Variants in FAM222B observed in about 807,000 individuals in gnomAD.
FAM222B encodes the protein family with sequence similarity 222 member B.
A neutral mutation model predicts 38.0 loss-of-function variants in FAM222B; 12 were observed. The observed-to-expected ratio is 0.32, with a 90% CI of 0.20 to 0.51. The LOEUF (loss-of-function observed/expected upper bound fraction) is 0.51. FAM222B is among the 20% of genes least tolerant of loss of function. The pLI is 0.97. For synonymous variants in FAM222B, 329 were observed against 317.2 expected, an observed-to-expected ratio of 1.04 and a Z score of -0.40; for missense variants, 716 against 754.2, an observed-to-expected ratio of 0.95 and a Z score of 0.59.
At chr17:28,824,187 T>TC (rs2038359952) in intron 1 of FAM222B, among the ~76,000 whole-genome samples, 1 of 151,068 alleles carries the variant, frequency 6.6e-6, no homozygotes, top group African/African-American at 2.4e-5. Flanking sequence ...GAGAATTTTT[T>TC]TTTTTTTTTT....
At chr17:28,843,173 T>A (rs534023890), upstream of FAM222B, among the ~76,000 whole-genome samples, 8 of 151,864 alleles carry the variant, frequency 5.3e-5, no homozygotes, top group Non-Finnish European at 1.0e-4. Flanking sequence ...AGTTTCGCTC[T>A]TGTTGTCCAG....
Position 28,759,683 on chromosome 17 carries a change from C to T in FAM222B, c.276G>A (p.Pro92=), listed in dbSNP as rs760076756. 4.7e-5 allele frequency: 76 copies of T among 1,613,472 alleles called. 3 individuals are homozygous for T. In the South Asian group the frequency reaches 7.0e-4, roughly 15 times the overall value. ...GGCCTGCCTTGGTGGCAGCCTGTGT[C>T]GGGTAGGGGCTGTAGCGCTGGGCTG... The part of the protein sequence containing the change: ...DTSAQRYSPY[P]TQAATKAGLL... The change falls in exon 3 of 3, where the codon CCG becomes CCA. Residue 92 remains proline (P), a synonymous_variant. Transcript: ENST00000581407. The surrounding 1 kb of genome is among the most constrained non-coding windows in gnomAD (Gnocchi z 4.8).
chr17:28,778,052 T>C (rs1440552176), intron 1 of FAM222B, among the ~76,000 whole-genome samples: 1 of 149,730 alleles, frequency 6.7e-6, no homozygotes, highest in East Asian at 2.0e-4. Flanking sequence ...ACTTCTGCAC[T>C]GTATTGAAAA....
intron 1 of FAM222B, among the ~76,000 whole-genome samples, chr17:28,815,920 T>C (rs1489995111): frequency 1.3e-5 from 2 of 148,940 alleles, no homozygotes; most frequent in Non-Finnish European, 3.0e-5. Flanking sequence ...TGAGCTGAGA[T>C]CGTGCCACTG....
chr17:28,824,524 A>G (rs1208900590), intron 1 of FAM222B, among the ~76,000 whole-genome samples: 2 of 152,030 alleles, frequency 1.3e-5, no homozygotes, highest in African/African-American at 4.8e-5. Flanking sequence ...TACCCATATC[A>G]ATTAACAGCA....
chr17:28,824,242 T>C (rs1049056376), intron 1 of FAM222B, among the ~76,000 whole-genome samples: 1 of 151,184 alleles, frequency 6.6e-6, no homozygotes, highest in Non-Finnish European at 1.5e-5. Flanking sequence ...TGAAGTGCAA[T>C]GGCACAATCA....
At chr17:28,786,586 G>A (rs544166106) in intron 1 of FAM222B, among the ~76,000 whole-genome samples, 1 of 152,246 alleles carries the variant, frequency 6.6e-6, no homozygotes, top group Non-Finnish European at 1.5e-5. Flanking sequence ...TCCTAAGTCA[G>A]TTTTCATTTG....
chr17:28,838,844 T>C (rs1483179390), intron 1 of FAM222B, among the ~76,000 whole-genome samples: 1 of 151,850 alleles, frequency 6.6e-6, no homozygotes, highest in Non-Finnish European at 1.5e-5. Context: ...GAGGCAGACG[T>C]TGCAATCAGC....
intron 1 of FAM222B, among the ~76,000 whole-genome samples, chr17:28,839,927 GA>G (rs1337622526): frequency 1.3e-5 from 2 of 151,372 alleles, no homozygotes; most frequent in Non-Finnish European, 2.9e-5. Flanking sequence ...GAATCTTCAA[GA>G]ATCTAGTATA....
At chr17:28,778,968 G>C (rs964587788) in intron 1 of FAM222B, among the ~76,000 whole-genome samples, 1 of 151,554 alleles carries the variant, frequency 6.6e-6, no homozygotes, top group Admixed American at 6.6e-5. Flanking sequence ...AGTGACCACT[G>C]CATTTAATCA....
At chr17:28,770,275 G>A (rs2035560385) in intron 1 of FAM222B, among the ~76,000 whole-genome samples, 1 of 152,160 alleles carries the variant, frequency 6.6e-6, no homozygotes, top group Non-Finnish European at 1.5e-5. Context: ...CCATATAAAA[G>A]GCAGATTGTT....
intron 1 of FAM222B, among the ~76,000 whole-genome samples, chr17:28,811,423 G>C (rs1232136445): frequency 6.6e-6 from 1 of 152,158 alleles, no homozygotes. Flanking sequence ...CTGGGCAACA[G>C]AGCGAGACTC....
At chr17:28,786,129 G>A (rs1440340099) in intron 1 of FAM222B, among the ~76,000 whole-genome samples, 1 of 152,026 alleles carries the variant, frequency 6.6e-6, no homozygotes, top group Non-Finnish European at 1.5e-5. Context: ...ACCACACCCG[G>A]CCATAGGTTT....
upstream of FAM222B, among the ~76,000 whole-genome samples, chr17:28,847,114 T>G (rs2039150434): frequency 6.6e-6 from 1 of 150,614 alleles, no homozygotes; most frequent in Non-Finnish European, 1.5e-5. Flanking sequence ...TCCCAGCTAC[T>G]CGGGAGGCTG....
At chr17:28,837,841 C>T (rs1174429469) in intron 1 of FAM222B, among the ~76,000 whole-genome samples, 2 of 151,990 alleles carry the variant, frequency 1.3e-5, no homozygotes, top group Non-Finnish European at 1.5e-5. Flanking sequence ...TTAGCAGAGA[C>T]GGGGTTTCAC....
chr17:28,758,763 G>C lies in FAM222B; in HGVS notation c.1196C>G (p.Ala399Gly). ...GGCCTTGCCCACAAAGCCAGGCCCT[G>C]CCAACTCGCGTCCTGCCGCATGCTT... is the stretch of plus-strand genomic sequence containing the variant. The part of the protein sequence containing the change: ...TGKHAAGREL[A>G]GPGFVGKAPA... Residue 399 changes from alanine (A) to glycine (G), a missense_variant, in exon 3 of 3, where the codon GCA becomes GGA. Physicochemically the swap from Ala to Gly is moderately conservative, Grantham distance 60. Coordinates refer to ENST00000581407, the MANE Select transcript of FAM222B (RefSeq NM_001077498.3). 1 of 1,572,108 alleles carries C rather than the reference G, an allele frequency of 6.4e-7. No homozygotes were observed. Among genetic ancestry groups the C allele is most frequent in the Non-Finnish European group, 8.6e-7 (1 of 1,157,204 alleles).
At chr17:28,781,204 G>T (rs2036153468) in intron 1 of FAM222B, among the ~76,000 whole-genome samples, 1 of 152,040 alleles carries the variant, frequency 6.6e-6, no homozygotes, top group East Asian at 1.9e-4. Flanking sequence ...AGACTGAGGT[G>T]GGGGGATCAC....
chr17:28,780,814 G>A (rs772342196), intron 1 of FAM222B, among the ~76,000 whole-genome samples: 26 of 151,814 alleles, frequency 1.7e-4, no homozygotes, highest in African/African-American at 4.8e-4. Flanking sequence ...CTTGGGAGGC[G>A]GAGGTTGCAG....
Position 28,775,367 on chromosome 17 carries a change from C to T in FAM222B, c.-40-8660G>A, listed in dbSNP as rs1438398267. Among the ~76,000 whole-genome samples the T allele has an allele frequency of 2.0e-5, 3 of 151,350 alleles. No individual in the cohort carries two copies. In the East Asian group the frequency reaches 5.8e-4, roughly 29 times the overall value. Reference sequence around the variant, plus strand: ...TGGGGAATGGGGGATAAAGTGATCTCTAGAGAGCTCACTTCCCAGCATAGC... The same window carrying T: ...TGGGGAATGGGGGATAAAGTGATCTTTAGAGAGCTCACTTCCCAGCATAGC... On this transcript the variant is annotated intron_variant, in intron 1 of 2. Coordinates refer to ENST00000581407, the MANE Select transcript of FAM222B (RefSeq NM_001077498.3).
Sources: gnomAD v4.1 joint callset for allele counts (sites outside exome capture counted in the v4.1 genomes callset) on GRCh38, gnomAD v4.1.1 for gene constraint, Gnocchi (gnomAD v3.1) non-coding constraint, MANE v1.5 for transcripts, NCBI Gene and HGNC (gene_info 2026-07-23, HGNC 2026-07-21) for gene names.